Variants in AFF3 observed in about 807,000 individuals in gnomAD.
AFF3 encodes AF4/FMR2 family member 3.
AFF3 carries 32 observed loss-of-function variants against 129.7 expected under a neutral mutation model. The observed-to-expected ratio is 0.25, with a 90% CI of 0.19 to 0.33. The LOEUF is 0.33. Ranked by LOEUF, AFF3 falls within the 10% of genes least tolerant of loss-of-function variation. AFF3 has a pLI of 1.00. For missense variants in AFF3, 1,373 were observed against 1,592.0 expected (o/e 0.86, Z 2.34); for synonymous variants, 644 against 635.4 (o/e 1.01, Z -0.20).
chr2:99,778,885 TGTGTGTGTGCGC>T (rs1315846662), intron 8 of AFF3, among the ~76,000 whole-genome samples: 5 of 44,256 alleles, frequency 1.1e-4, no homozygotes, highest in South Asian at 1.7e-3. Flanking sequence ...TGTGTGTGTG[TGTGTGTGTGCGC>T]GTGTGTGTGT....
chr2:99,797,576 T>C (rs1022459635), intron 8 of AFF3, among the ~76,000 whole-genome samples: 11 of 152,022 alleles, frequency 7.2e-5, no homozygotes, highest in African/African-American at 9.7e-5. Context: ...TGTAAGAGAC[T>C]CAGTTATGAT....
chr2:99,809,626 G>A (rs754368474), intron 8 of AFF3, among the ~76,000 whole-genome samples: 12 of 152,166 alleles, frequency 7.9e-5, no homozygotes, highest in Admixed American at 4.6e-4. Context: ...TGTAGGGGAT[G>A]TTCTGGGATT....
rs1206769837 is a variant in AFF3 at position 99,986,250 on chromosome 2, A to AATAATG, written c.873+20381_873+20382insCATTAT. Among the ~76,000 whole-genome samples, 118 of 142,806 alleles carry AATAATG rather than the reference A, an allele frequency of 8.3e-4. 2 individuals carry two copies. Among genetic ancestry groups the AATAATG allele is most frequent in the Middle Eastern group, 7.4e-3 (2 of 270 alleles). The allele number at this position is 142,806 out of a possible 152,430, so 93.7% of individuals were successfully genotyped here. On this transcript the variant is annotated intron_variant, in intron 7 of 24. Transcript: ENST00000672756. ...TAATAATAATAATAATAATAATAAT[A>AATAATG]ATGTAGGACATGCACTGTGTTTTCT...
chr2:99,695,683 A>C (rs778466931), intron 11 of AFF3, among the ~76,000 whole-genome samples: 53 of 152,238 alleles, frequency 3.5e-4, no homozygotes, highest in Admixed American at 1.3e-3. Context: ...AACCTTAATA[A>C]GCAGAAGATT....
chr2:99,733,251 C>A lies in AFF3; in HGVS notation c.1040-6123G>T, dbSNP rs201609984. On this transcript the variant is annotated intron_variant, in intron 10 of 24. Transcript: ENST00000672756. ...AAAATTAGCCGGGTGTGGTGGCGGG[C>A]GCCTTGTAGTCCCAGCTACTAGAAA... 2.0e-5 allele frequency among the ~76,000 whole-genome samples: 3 copies of A among 151,742 alleles called. No homozygotes were observed. In the South Asian group the frequency reaches 6.2e-4, roughly 32 times the overall value.
chr2:99,707,700 T>A, intron 11 of AFF3: 2 of 329,630 alleles, frequency 6.1e-6, no homozygotes, highest in South Asian at 1.2e-4. Flanking sequence ...GATGCCTGCC[T>A]TTTTTTTTTT....
chr2:100,023,265 G>A (rs908637823), intron 4 of AFF3, among the ~76,000 whole-genome samples: 31 of 152,186 alleles, frequency 2.0e-4, no homozygotes, highest in Non-Finnish European at 2.6e-4. Context: ...ACAGTTAAGC[G>A]CATACTATAA....
At chr2:99,656,933 T>C (rs1487449813) in intron 12 of AFF3, among the ~76,000 whole-genome samples, 1 of 152,130 alleles carries the variant, frequency 6.6e-6, no homozygotes, top group Non-Finnish European at 1.5e-5. Flanking sequence ...TAATATAATT[T>C]ATCATCCAAA....
intron 11 of AFF3, among the ~76,000 whole-genome samples, chr2:99,682,955 C>T (rs2104569581): frequency 6.6e-6 from 1 of 152,314 alleles, no homozygotes; most frequent in East Asian, 1.9e-4. Context: ...TAGCAGTTTT[C>T]TGTTATTCTT....
At chr2:99,573,632 T>C (rs1676711434) in intron 18 of AFF3, among the ~76,000 whole-genome samples, 1 of 152,234 alleles carries the variant, frequency 6.6e-6, no homozygotes, top group East Asian at 1.9e-4. Flanking sequence ...CTGAGACTGC[T>C]GTGCAAGTAC....
chr2:99,724,303 C>T (rs1474158518), intron 11 of AFF3, among the ~76,000 whole-genome samples: 3 of 20,694 alleles, frequency 1.4e-4, no homozygotes, highest in South Asian at 4.8e-3. Context: ...GACACAGTCT[C>T]ATGCTGTTGC....
intron 4 of AFF3, among the ~76,000 whole-genome samples, chr2:100,063,311 T>C (rs533705036): frequency 2.0e-5 from 3 of 149,736 alleles, no homozygotes; most frequent in Admixed American, 6.6e-5. Flanking sequence ...TGAAAAGAGC[T>C]GTGGAGATTG....
chr2:99,917,414 G>A (rs536622224), intron 7 of AFF3, among the ~76,000 whole-genome samples: 1 of 152,236 alleles, frequency 6.6e-6, no homozygotes, highest in South Asian at 2.1e-4. Context: ...AGGAGCCACC[G>A]ATAGAAGAGA....
intron 4 of AFF3, among the ~76,000 whole-genome samples, chr2:100,017,577 A>G (rs1473079501): frequency 1.3e-5 from 2 of 152,236 alleles, no homozygotes; most frequent in East Asian, 3.8e-4. Context: ...AAAGACCCAT[A>G]GACAAGTTTA....
chr2:99,643,457 A>G (rs1470192224), intron 13 of AFF3, among the ~76,000 whole-genome samples: 1 of 152,150 alleles, frequency 6.6e-6, no homozygotes, highest in African/African-American at 2.4e-5. Flanking sequence ...GCACGCCACC[A>G]TAACATCTTC....
At chr2:99,835,386 G>A (rs1688791143) in intron 8 of AFF3, among the ~76,000 whole-genome samples, 1 of 152,126 alleles carries the variant, frequency 6.6e-6, no homozygotes, top group Admixed American at 6.5e-5. Flanking sequence ...GTGTGTCACA[G>A]ATACACAATA....
At chr2:100,107,438 G>T in intron 2 of AFF3, 1 of 985,186 alleles carries the variant, frequency 1.0e-6, no homozygotes, top group African/African-American at 1.7e-5. Flanking sequence ...TAGAATGTCA[G>T]AACTAAAAGG....
chr2:99,713,267 AAT>A lies in AFF3; in HGVS notation c.1091+13808_1091+13809del, dbSNP rs1491251410. Among the ~76,000 whole-genome samples, 122 of 109,928 alleles carry A rather than the reference AAT, an allele frequency of 1.1e-3. 3 individuals are homozygous for A. Among genetic ancestry groups the A allele is most frequent in the African/African-American group, 4.2e-3 (117 of 27,660 alleles). The allele number at this position is 109,928 out of a possible 152,430, so 72.1% of individuals were successfully genotyped here. On this transcript the variant is annotated intron_variant, in intron 11 of 24. Coordinates refer to ENST00000672756, the MANE Select transcript of AFF3 (RefSeq NM_001386135.1). ...ATGTTATGTGTATTCTGCCAGAGTTAATTTTTTTTTTTTTTTTTTTGAGACAG... is the reference window on the plus strand; with the variant it reads ...ATGTTATGTGTATTCTGCCAGAGTTATTTTTTTTTTTTTTTTTTGAGACAG...
chr2:99,867,909 G>A (rs1691552555), intron 7 of AFF3, among the ~76,000 whole-genome samples: 1 of 152,156 alleles, frequency 6.6e-6, no homozygotes, highest in African/African-American at 2.4e-5. Flanking sequence ...GTGTGAGCAG[G>A]CTAATCACGC....
Sources: allele counts gnomAD v4.1 joint callset (sites outside exome capture counted in the v4.1 genomes callset), GRCh38; gene constraint gnomAD v4.1.1; transcripts MANE v1.5; gene names NCBI Gene and HGNC (gene_info 2026-07-23, HGNC 2026-07-21).